Variants in ATP11A observed in about 807,000 individuals in gnomAD.
The protein encoded by ATP11A is ATPase phospholipid transporting 11A, also known as phospholipid-transporting ATPase IH.
In ATP11A, 81 loss-of-function variants were observed where a neutral mutation model predicts 154.4. That is an observed-to-expected ratio of 0.52 (90% CI 0.44 to 0.63). ATP11A has a LOEUF of 0.63. Ranked by LOEUF, ATP11A falls within the 30% of genes least tolerant of loss-of-function variation. ATP11A has a pLI of 0.00. For missense variants in ATP11A, 1,316 were observed against 1,474.3 expected, an observed-to-expected ratio of 0.89 and a Z score of 1.76; for synonymous variants, 623 against 585.9, an observed-to-expected ratio of 1.06 and a Z score of -0.91.
chr13:112,821,981 G>A (rs529625663), intron 8 of ATP11A, among the ~76,000 whole-genome samples: 32 of 152,286 alleles, frequency 2.1e-4, no homozygotes, highest in African/African-American at 6.5e-4. Context: ...GCCCTCAGCC[G>A]CAGCCTGGGG....
At chr13:112,740,910 T>C (rs1195626929) in intron 1 of ATP11A, among the ~76,000 whole-genome samples, 1 of 152,234 alleles carries the variant, frequency 6.6e-6, no homozygotes, top group Non-Finnish European at 1.5e-5. Flanking sequence ...CTCAGCGTTA[T>C]TCAGGGCGGA....
intron 16 of ATP11A, among the ~76,000 whole-genome samples, 182 bp downstream of exon 16, chr13:112,836,433 C>T (rs1181401428): frequency 6.6e-6 from 1 of 152,134 alleles, no homozygotes; most frequent in East Asian, 1.9e-4. Flanking sequence ...TGCAACATTT[C>T]TGGAATGCTG....
intron 4 of ATP11A, among the ~76,000 whole-genome samples, chr13:112,806,545 G>C (rs1487400667): frequency 6.6e-6 from 1 of 152,200 alleles, no homozygotes; most frequent in Non-Finnish European, 1.5e-5. Context: ...AAATCACCCA[G>C]AGATGATCTG....
At chr13:112,874,405 C>T (rs2080648627) in intron 27 of ATP11A, among the ~76,000 whole-genome samples, 1 of 152,184 alleles carries the variant, frequency 6.6e-6, no homozygotes, top group African/African-American at 2.4e-5. Flanking sequence ...TTTTAAAAAC[C>T]CCACGGTGGC....
rs746419733 is a variant in ATP11A, at chr13:112,858,147, G to A, written c.2524G>A (p.Val842Ile). 4 of 1,613,270 alleles carry A rather than the reference G, an allele frequency of 2.5e-6. No homozygotes were observed. The African/African-American group carries it at 5.3e-5, about 22-fold the overall frequency. The change falls in exon 22 of 30, where the codon GTC becomes ATC. Residue 842 changes from valine to isoleucine, a missense_variant and splice_region_variant. By Grantham distance (29) the Val-to-Ile change is conservative. Around this residue, in one of 5 missense-constraint regions of ATP11A, gnomAD observed 876 missense variants for 1,006.8 expected, o/e 0.87. Coordinates refer to ENST00000375645, the MANE Select transcript of ATP11A (RefSeq NM_015205.3). The stretch of plus-strand genomic sequence containing the variant: ...GCTCCTTCACCTCCGTCTTCTAGGT[G>A]TCATCGGCAAGGAAGGCCGCCAGGC... ...MILEAHVGIGVIGKEGRQAAR... is the reference protein window; with the variant it reads ...MILEAHVGIGIIGKEGRQAAR...
At chr13:112,744,068 G>A (rs1275003004) in intron 1 of ATP11A, among the ~76,000 whole-genome samples, 2 of 152,220 alleles carry the variant, frequency 1.3e-5, no homozygotes, top group Admixed American at 6.5e-5. Context: ...GTCCAGCTGC[G>A]GTGAGTGGGC....
intron 1 of ATP11A, among the ~76,000 whole-genome samples, chr13:112,724,710 T>G (rs1441986445): frequency 6.6e-6 from 1 of 152,070 alleles, no homozygotes; most frequent in African/African-American, 2.4e-5. Flanking sequence ...GGAAGCTGTT[T>G]GGGGCCCATC....
intron 10 of ATP11A, 83 bp from the exon 11 acceptor site, chr13:112,825,347 G>A: frequency 6.9e-7 from 1 of 1,442,666 alleles, no homozygotes; most frequent in Non-Finnish European, 9.4e-7. Context: ...TTCTTCACGA[G>A]GTGTCATCTT....
chr13:112,848,209 T>G (rs2079660978), intron 17 of ATP11A, among the ~76,000 whole-genome samples: 1 of 152,246 alleles, frequency 6.6e-6, no homozygotes, highest in Non-Finnish European at 1.5e-5. Flanking sequence ...GAACATGGGA[T>G]ATCTTTCCAT....
Position 112,802,552 on chromosome 13 carries a change from C to CAAA in ATP11A, c.163-2386_163-2384dup, listed in dbSNP as rs35889771. ...AATAGTGCTAGAAAAACTGGACATG[C>CAAA]AAAAAAAAAAAAAAAAAAAAACCCA... On this transcript the variant is annotated intron_variant, in intron 2 of 29. Transcript: ENST00000375645. Among the ~76,000 whole-genome samples, 332 of 80,910 alleles carry CAAA rather than the reference C, an allele frequency of 4.1e-3. 1 individual carries two copies. The highest frequency in any genetic ancestry group is 0.015 in the African/African-American group (311 of 21,324). The allele number at this position is 80,910 out of a possible 152,430, so 53.1% of individuals were successfully genotyped here.
rs1397515059 is a variant in ATP11A at position 112,856,386 on chromosome 13, A to G, written c.2418+301A>G. ...AAAAGCTATCTCAATCACTCCTGAG[A>G]ATCTACACTAAAGGTGTAAGGGAAG... On this transcript the variant is annotated intron_variant, in intron 20 of 29. Coordinates refer to ENST00000375645, the MANE Select transcript of ATP11A (RefSeq NM_015205.3). 1.6e-5 allele frequency: 3 copies of G among 193,528 alleles called. No homozygotes were observed. In the Admixed American group the frequency reaches 1.8e-4, roughly 11 times the overall value. 12.0% of individuals were successfully genotyped at this position (193,528 alleles called of 1,614,324 possible). A position where few individuals can be genotyped will look rare whatever the true frequency, so the allele number is the denominator to read the frequency against.
intron 17 of ATP11A, among the ~76,000 whole-genome samples, chr13:112,842,903 G>A (rs529910465): frequency 5.3e-5 from 8 of 152,222 alleles, no homozygotes; most frequent in Admixed American, 2.0e-4. Flanking sequence ...CTCCCACTCC[G>A]TGGGTCCGGC....
Position 112,881,856 on chromosome 13 carries a change from C to T in ATP11A, c.*10-20C>T, listed in dbSNP as rs146811815. 2.2e-6 allele frequency: 3 copies of T among 1,367,626 alleles called. No individual in the cohort carries two copies. The highest frequency in any genetic ancestry group is 3.8e-5 in the Admixed American group (2 of 52,562). The allele number at this position is 1,367,626 out of a possible 1,614,324, so 84.7% of individuals were successfully genotyped here. On this transcript the variant is annotated intron_variant, in intron 29 of 29. Coordinates refer to ENST00000375645, the MANE Select transcript of ATP11A (RefSeq NM_015205.3). Reference sequence around the variant, plus strand: ...CCTCGGGACCGCGACTCAGAATTCACCCCTCTTGCCTCTCTGCAGAGCCCA... The same window carrying T: ...CCTCGGGACCGCGACTCAGAATTCATCCCTCTTGCCTCTCTGCAGAGCCCA...
rs1884984511 is a variant in ATP11A at position 112,690,256 on chromosome 13, G to T, written c.-161G>T. 4.0e-6 allele frequency: 1 copy of T among 250,602 alleles called. No individual in the cohort carries two copies. The highest frequency in any genetic ancestry group is 6.4e-5 in the Admixed American group (1 of 15,688). The allele number at this position is 250,602 out of a possible 1,614,324, so 15.5% of individuals were successfully genotyped here. ...ACCCAGCATTCGCCGGCCGGGCCGG[G>T]CATGAGCGCGGAGGGGCCGCGGCCG... On this transcript the variant is annotated 5_prime_UTR_variant, in exon 1 of 30. Coordinates refer to ENST00000375645, the MANE Select transcript of ATP11A (RefSeq NM_015205.3). The surrounding 1 kb of genome is among the most constrained non-coding windows in gnomAD (Gnocchi z 5.6).
chr13:112,739,574 A>C (rs1286160983), intron 1 of ATP11A, among the ~76,000 whole-genome samples: 2 of 152,258 alleles, frequency 1.3e-5, no homozygotes, highest in African/African-American at 4.8e-5. Context: ...CTCGAAATAC[A>C]GGAATATGAA....
At chr13:112,879,305 T>TC (rs1442140820) in intron 29 of ATP11A, among the ~76,000 whole-genome samples, 13 of 152,376 alleles carry the variant, frequency 8.5e-5, no homozygotes, top group African/African-American at 3.1e-4. Flanking sequence ...AAAATGGTCC[T>TC]TTTTTAAGTC....
At chr13:112,818,110 C>A (rs532033705) in intron 6 of ATP11A, among the ~76,000 whole-genome samples, 1 of 151,802 alleles carries the variant, frequency 6.6e-6, no homozygotes, top group Admixed American at 6.6e-5. Flanking sequence ...TGCTTGGTGA[C>A]GGAACAGTGA....
intron 1 of ATP11A, among the ~76,000 whole-genome samples, chr13:112,755,400 G>C (rs972988008): frequency 1.3e-5 from 2 of 152,160 alleles, no homozygotes; most frequent in Non-Finnish European, 2.9e-5. Flanking sequence ...TCTTGTCTGC[G>C]TCCCTTGTAG....
In ATP11A at chr13:112,886,243, C is replaced by T. The variant is rs1447981601; in HGVS notation, c.*4377C>T. On this transcript the variant is annotated 3_prime_UTR_variant, in exon 30 of 30. Coordinates refer to ENST00000375645, the MANE Select transcript of ATP11A (RefSeq NM_015205.3). ...GTGACCATCCGCTCGGCTTGCTGAGCGTTTAAACAAATGTTTAGACAGGCT... is the reference window on the plus strand; with the variant it reads ...GTGACCATCCGCTCGGCTTGCTGAGTGTTTAAACAAATGTTTAGACAGGCT... 6 of 151,938 alleles carry T rather than the reference C, an allele frequency of 3.9e-5. No homozygotes were observed. Among genetic ancestry groups the T allele is most frequent in the African/African-American group, 7.2e-5 (3 of 41,426 alleles). 9.4% of individuals were successfully genotyped at this position (151,938 alleles called of 1,614,324 possible). A position where few individuals can be genotyped will look rare whatever the true frequency, so the allele number is the denominator to read the frequency against.
Sources: allele counts gnomAD v4.1 joint callset (sites outside exome capture counted in the v4.1 genomes callset), GRCh38; gene constraint gnomAD v4.1.1; regional missense constraint gnomAD v4.1.1; non-coding constraint Gnocchi (gnomAD v3.1); transcripts MANE v1.5; gene names NCBI Gene and HGNC (gene_info 2026-07-23, HGNC 2026-07-21).